GRID2: variants seen among roughly 807,000 people sequenced by gnomAD.
GRID2 encodes glutamate ionotropic receptor delta type subunit 2.
Under a neutral mutation model 114.8 loss-of-function variants are expected in GRID2, and 33 were observed. The ratio of observed to expected loss-of-function variants is 0.29; its 90% CI spans 0.22 to 0.38. The LOEUF (loss-of-function observed/expected upper bound fraction) is 0.38. Ranked by LOEUF, GRID2 falls within the 10% of genes least tolerant of loss-of-function variation. The pLI, the probability that GRID2 is intolerant of heterozygous loss-of-function variation, is 1.00. For synonymous variants in GRID2, 505 were observed against 449.9 expected (o/e 1.12, Z -1.55); for missense variants, 1,184 against 1,257.7 (o/e 0.94, Z 0.89).
intron 2 of GRID2, among the ~76,000 whole-genome samples, chr4:93,021,842 T>C (rs958882732): frequency 6.8e-6 from 1 of 147,228 alleles, no homozygotes; most frequent in African/African-American, 2.5e-5. Flanking sequence ...ATATTATTTT[T>C]AAATAATAAA....
At chr4:92,633,565 A>G (rs1730916953) in intron 2 of GRID2, among the ~76,000 whole-genome samples, 1 of 152,100 alleles carries the variant, frequency 6.6e-6, no homozygotes, top group African/African-American at 2.4e-5. Flanking sequence ...TCTGTTTTCC[A>G]CTATTCTTGA....
At chr4:92,813,935 C>T (rs557252087) in intron 2 of GRID2, among the ~76,000 whole-genome samples, 90 of 152,170 alleles carry the variant, frequency 5.9e-4, no homozygotes, top group African/African-American at 2.0e-3. Context: ...ATTTACCCTG[C>T]CAGTTCTCTG....
Position 92,507,783 on chromosome 4 carries a change from A to C in GRID2, c.89-82348A>C, listed in dbSNP as rs566281202. 1.2e-4 allele frequency among the ~76,000 whole-genome samples: 18 copies of C among 151,968 alleles called. No homozygotes were observed. In the South Asian group the frequency reaches 3.7e-3, roughly 32 times the overall value. On this transcript the variant is annotated intron_variant, in intron 1 of 15. Transcript: ENST00000282020. ...CAACATATAACACTCTTGGAATGTGAGTCTCAGGTTTCCAACTTCATCTCA... is the reference window on the plus strand; with the variant it reads ...CAACATATAACACTCTTGGAATGTGCGTCTCAGGTTTCCAACTTCATCTCA...
intron 2 of GRID2, among the ~76,000 whole-genome samples, chr4:92,925,241 A>G (rs1038710694): frequency 5.3e-5 from 8 of 151,952 alleles, no homozygotes; most frequent in Admixed American, 2.0e-4. Flanking sequence ...TTTCACCCCC[A>G]CCATGGGACT....
intron 2 of GRID2, among the ~76,000 whole-genome samples, chr4:92,695,264 C>G (rs1734372623): frequency 6.6e-6 from 1 of 151,970 alleles, no homozygotes; most frequent in African/African-American, 2.4e-5. Flanking sequence ...CCGTGCCTGG[C>G]CAGATATTTT....
intron 4 of GRID2, among the ~76,000 whole-genome samples, chr4:93,170,929 A>G (rs1186534066): frequency 6.6e-6 from 1 of 151,976 alleles, no homozygotes; most frequent in Non-Finnish European, 1.5e-5. Flanking sequence ...TCAGAAAATA[A>G]TGTCTGCTCG....
At chr4:93,260,732 A>G (rs1372844047) in intron 8 of GRID2, among the ~76,000 whole-genome samples, 1 of 151,782 alleles carries the variant, frequency 6.6e-6, no homozygotes, top group Non-Finnish European at 1.5e-5. Flanking sequence ...CAGGCCAATC[A>G]CAGGATGATC....
rs550313412 is a variant in GRID2, at chr4:93,805,936, A to G, written c.222-779A>G. ...ATATGGTAAAACCCCATCTTTACTAAAAATACAAAAATTAGCCGGGTGTGG... is the reference window on the plus strand; with the variant it reads ...ATATGGTAAAACCCCATCTTTACTAGAAATACAAAAATTAGCCGGGTGTGG... On this transcript the variant is annotated intron_variant, in intron 1 of 1. Transcript: ENST00000637838. 9.2e-5 allele frequency among the ~76,000 whole-genome samples: 14 copies of G among 152,238 alleles called. No homozygotes were observed. The South Asian group carries it at 2.7e-3, about 29-fold the overall frequency.
chr4:92,929,683 TA>T (rs1305094571), intron 2 of GRID2, among the ~76,000 whole-genome samples: 1 of 151,392 alleles, frequency 6.6e-6, no homozygotes, highest in Admixed American at 6.6e-5. Flanking sequence ...ATGCACAATT[TA>T]AAACTGAGAT....
chr4:92,691,457 CA>C (rs1379535423), intron 2 of GRID2, among the ~76,000 whole-genome samples: 1 of 152,038 alleles, frequency 6.6e-6, no homozygotes, highest in Admixed American at 6.6e-5. Context: ...ACTTAAGGAG[CA>C]AAAGCCATGG....
intron 1 of GRID2, among the ~76,000 whole-genome samples, chr4:92,583,425 T>G (rs1167275172): frequency 6.6e-6 from 1 of 152,010 alleles, no homozygotes; most frequent in Admixed American, 6.6e-5. Flanking sequence ...TTTCCTTCTT[T>G]AGTCAGTCAG....
intron 15 of GRID2, 100 bp from the exon 16 acceptor site, chr4:93,771,976 C>G: frequency 2.8e-6 from 2 of 707,130 alleles, no homozygotes; most frequent in Admixed American, 2.4e-5. Flanking sequence ...GAATAAACCC[C>G]AAAGTTCAGT....
intron 14 of GRID2, among the ~76,000 whole-genome samples, chr4:93,690,645 G>GCTCA (rs1160250883): frequency 6.6e-6 from 1 of 151,512 alleles, no homozygotes; most frequent in African/African-American, 2.4e-5. Flanking sequence ...AATGAGCTTG[G>GCTCA]CTCACCACAG....
intron 14 of GRID2, among the ~76,000 whole-genome samples, chr4:93,695,500 C>A (rs951966423): frequency 1.3e-5 from 2 of 152,140 alleles, no homozygotes; most frequent in Non-Finnish European, 2.9e-5. Context: ...CCAGAGGAAT[C>A]ATCAAAAGGA....
chr4:93,764,038 T>C (rs981787428), intron 14 of GRID2, among the ~76,000 whole-genome samples: 1 of 152,170 alleles, frequency 6.6e-6, no homozygotes, highest in Non-Finnish European at 1.5e-5. Context: ...CAACCTGTTT[T>C]GTAACAAATA....
intron 5 of GRID2, among the ~76,000 whole-genome samples, chr4:93,212,886 C>T (rs1743718333): frequency 6.6e-6 from 1 of 151,864 alleles, no homozygotes; most frequent in Admixed American, 6.6e-5. Context: ...GATTGTCCTG[C>T]CTCAGTCTCC....
intron 9 of GRID2, among the ~76,000 whole-genome samples, chr4:93,398,096 C>T (rs1765508903): frequency 1.5e-5 from 2 of 130,504 alleles, no homozygotes; most frequent in African/African-American, 7.2e-5. Context: ...GAAACTGAGA[C>T]ATCCAGAAGT....
intron 2 of GRID2, among the ~76,000 whole-genome samples, chr4:92,725,656 C>G (rs187172445): frequency 6.6e-6 from 1 of 152,002 alleles, no homozygotes; most frequent in Non-Finnish European, 1.5e-5. Flanking sequence ...GTCTAAGGTG[C>G]CATAAAGCCA....
intron 11 of GRID2, 26 bp downstream of exon 11, chr4:93,456,000 AT>A: frequency 7.5e-7 from 1 of 1,332,958 alleles, no homozygotes; most frequent in Non-Finnish European, 1.1e-6. Flanking sequence ...ACATTCTAGT[AT>A]TTAAAAAAAA....
Sources: allele counts gnomAD v4.1 joint callset (sites outside exome capture counted in the v4.1 genomes callset), GRCh38; gene constraint gnomAD v4.1.1; transcripts MANE v1.5; gene names NCBI Gene and HGNC (gene_info 2026-07-23, HGNC 2026-07-21).